Variants in SKIC2 observed in about 807,000 individuals in gnomAD.
SKIC2 encodes the protein superkiller complex protein 2.
At chr6:31,966,934 T>C in the SKIC2 span, 1 of 1,613,160 alleles carries the variant, frequency 6.2e-7, no homozygotes, top group Non-Finnish European at 8.5e-7. This position sits in a 1 kb window ranked among gnomAD's most constrained non-coding sequence, Gnocchi z 5.9. Context: ...GCCAGTGTGT[T>C]GAGGGTGGGG....
the SKIC2 span, chr6:31,963,022 C>G: frequency 1.2e-6 from 2 of 1,612,698 alleles, no homozygotes; most frequent in African/African-American, 2.7e-5. The surrounding 1 kb of genome is among the most constrained non-coding windows in gnomAD (Gnocchi z 5.3). Flanking sequence ...ATCATGCTAC[C>G]TGACCACGTT....
At chr6:31,964,189 T>G in the SKIC2 span, 6 of 1,609,140 alleles carry the variant, frequency 3.7e-6, no homozygotes, top group South Asian at 6.6e-5. This position sits in a 1 kb window ranked among gnomAD's most constrained non-coding sequence, Gnocchi z 5.0. Flanking sequence ...GGATAGGGTG[T>G]TCCGAGACTC....
At chr6:31,961,404 G>A in the SKIC2 span, 1 of 1,535,468 alleles carries the variant, frequency 6.5e-7, no homozygotes. Context: ...GTTCTGTGTA[G>A]TGGAGGCAAG....
At chr6:31,964,599 C>T in the SKIC2 span, among the ~76,000 whole-genome samples, 20 of 152,262 alleles carry the variant, frequency 1.3e-4, 1 homozygote, top group Admixed American at 1.3e-3. The surrounding 1 kb of genome is among the most constrained non-coding windows in gnomAD (Gnocchi z 5.0). Flanking sequence ...ACGTAGGTCT[C>T]AGAAAAGAAA....
At chr6:31,960,951 G>A in the SKIC2 span, 1 of 1,027,186 alleles carries the variant, frequency 9.7e-7, no homozygotes, top group African/African-American at 1.6e-5. Context: ...TACAGCATCT[G>A]TCCTGTAAAT....
chr6:31,962,103 C>A, the SKIC2 span: 2 of 1,589,978 alleles, frequency 1.3e-6, no homozygotes, highest in Non-Finnish European at 1.7e-6. This position sits in a 1 kb window ranked among gnomAD's most constrained non-coding sequence, Gnocchi z 5.0. Context: ...GCCCCATTTT[C>A]TCCTGCATCC....
At chr6:31,960,090 G>T in the SKIC2 span, 2 of 1,612,962 alleles carry the variant, frequency 1.2e-6, no homozygotes, top group Admixed American at 1.7e-5. Context: ...CAGCCTGGCT[G>T]CCTCTGCATG....
the SKIC2 span, chr6:31,968,261 A>C: frequency 6.7e-7 from 1 of 1,485,582 alleles, no homozygotes; most frequent in Non-Finnish European, 9.3e-7. The surrounding 1 kb of genome is among the most constrained non-coding windows in gnomAD (Gnocchi z 6.1). Context: ...GGGCTTCCAC[A>C]GCCTGAGGGA....
chr6:31,963,398 C>T, the SKIC2 span: 1 of 1,533,810 alleles, frequency 6.5e-7, no homozygotes, highest in Non-Finnish European at 8.8e-7. This position sits in a 1 kb window ranked among gnomAD's most constrained non-coding sequence, Gnocchi z 5.3. Context: ...ACCTGCTTCC[C>T]TCTCCTTTCT....
the SKIC2 span, chr6:31,969,748 C>G: frequency 6.3e-7 from 1 of 1,584,178 alleles, no homozygotes; most frequent in Admixed American, 1.7e-5. This position sits in a 1 kb window ranked among gnomAD's most constrained non-coding sequence, Gnocchi z 6.1. Flanking sequence ...GATAAAACAG[C>G]AAAGCACTGT....
the SKIC2 span, chr6:31,960,816 T>A: frequency 8.6e-7 from 1 of 1,161,948 alleles, no homozygotes; most frequent in African/African-American, 1.6e-5. Context: ...AGCCCTCCCA[T>A]GTTTTTGAGA....
the SKIC2 span, chr6:31,968,658 G>A: frequency 1.9e-6 from 3 of 1,589,990 alleles, no homozygotes; most frequent in Non-Finnish European, 2.6e-6. The surrounding 1 kb of genome is among the most constrained non-coding windows in gnomAD (Gnocchi z 6.1). Context: ...AAGGGGCAAG[G>A]AGAAGGCTGA....
chr6:31,961,843 C>G, the SKIC2 span: 1 of 1,592,910 alleles, frequency 6.3e-7, no homozygotes, highest in Non-Finnish European at 8.6e-7. Context: ...CCTGCGTGCT[C>G]CATGAGCAGG....
the SKIC2 span, chr6:31,960,072 G>A: frequency 1.9e-6 from 3 of 1,613,062 alleles, no homozygotes; most frequent in South Asian, 2.2e-5. Context: ...AGTTGTTTCT[G>A]TCATCCCCAG....
At chr6:31,961,858 A>C in the SKIC2 span, 1 of 1,603,252 alleles carries the variant, frequency 6.2e-7, no homozygotes, top group Non-Finnish European at 8.5e-7. Context: ...AGCAGGAGGC[A>C]GCAAGGCCCC....
At chr6:31,964,229 A>C in the SKIC2 span, 1 of 1,612,776 alleles carries the variant, frequency 6.2e-7, no homozygotes. This position sits in a 1 kb window ranked among gnomAD's most constrained non-coding sequence, Gnocchi z 5.0. Flanking sequence ...CCTCCCACCA[A>C]AGGTCCTGCA....
chr6:31,966,888 G>T, the SKIC2 span: 1 of 1,613,746 alleles, frequency 6.2e-7, no homozygotes, highest in South Asian at 1.1e-5. The surrounding 1 kb of genome is among the most constrained non-coding windows in gnomAD (Gnocchi z 5.9). Flanking sequence ...CAGGAGGTTG[G>T]CCAAAGACAG....
chr6:31,967,102 C>T, the SKIC2 span: 7 of 1,612,488 alleles, frequency 4.3e-6, no homozygotes, highest in Middle Eastern at 3.3e-4. This position sits in a 1 kb window ranked among gnomAD's most constrained non-coding sequence, Gnocchi z 4.9. Context: ...AATATTACAG[C>T]TGGGGGGAGG....
the SKIC2 span, chr6:31,963,782 A>G: frequency 6.6e-7 from 1 of 1,517,576 alleles, no homozygotes; most frequent in Non-Finnish European, 8.9e-7. The surrounding 1 kb of genome is among the most constrained non-coding windows in gnomAD (Gnocchi z 5.3). Context: ...TTTTCCTCCT[A>G]TCTTTTTTTT....
Sources: allele counts gnomAD v4.1 joint callset (sites outside exome capture counted in the v4.1 genomes callset), GRCh38; gene constraint gnomAD v4.1.1; non-coding constraint Gnocchi (gnomAD v3.1); transcripts MANE v1.5; gene names NCBI Gene and HGNC (gene_info 2026-07-23, HGNC 2026-07-21).